CSMD1: variants seen among roughly 807,000 people sequenced by gnomAD.
CSMD1 encodes the protein CUB and Sushi multiple domains 1.
A neutral mutation model predicts 417.5 loss-of-function variants in CSMD1; 213 were observed. The ratio of observed to expected loss-of-function variants is 0.51; its 90% CI spans 0.46 to 0.57. The LOEUF (loss-of-function observed/expected upper bound fraction) is 0.57. Ranked by LOEUF, CSMD1 falls within the 20% of genes least tolerant of loss-of-function variation. The pLI, the probability that CSMD1 is intolerant of heterozygous loss-of-function variation, is 0.00. For synonymous variants in CSMD1, 2,862 were observed against 1,736.8 expected (o/e 1.65, Z -16.11); for missense variants, 6,923 against 4,529.7 (o/e 1.53, Z -15.17).
Position 4,477,293 on chromosome 8 carries a change from G to T in CSMD1, c.303-57228C>A, listed in dbSNP as rs547800028. Among the ~76,000 whole-genome samples, 12 of 152,256 alleles carry T rather than the reference G, an allele frequency of 7.9e-5. No individual in the cohort carries two copies. In the East Asian group the frequency reaches 2.1e-3, roughly 27 times the overall value. On this transcript the variant is annotated intron_variant, in intron 2 of 69. Coordinates refer to ENST00000635120, the MANE Select transcript of CSMD1 (RefSeq NM_033225.6). ...AGGTGTGGACGGTGGAGGCTGAGCT[G>T]GTCCTCACCGTGGGGAAGCCGAGGC...
chr8:3,748,695 C>G (rs1444985088), intron 6 of CSMD1, among the ~76,000 whole-genome samples: 1 of 152,156 alleles, frequency 6.6e-6, no homozygotes, highest in South Asian at 2.1e-4. Context: ...TACGTTTTAT[C>G]CAAATTAGAA....
chr8:3,943,678 A>G (rs538563570), intron 5 of CSMD1, among the ~76,000 whole-genome samples: 8 of 152,298 alleles, frequency 5.3e-5, no homozygotes, highest in African/African-American at 1.7e-4. Flanking sequence ...GTCCCCTGCT[A>G]TAATGAACTG....
chr8:4,928,503 G>C (rs569302195), intron 1 of CSMD1, among the ~76,000 whole-genome samples: 1 of 152,284 alleles, frequency 6.6e-6, no homozygotes, highest in East Asian at 1.9e-4. Context: ...GCCTGAGCAA[G>C]TTACTGGCCC....
At chr8:3,784,038 C>T (rs1229924844) in intron 5 of CSMD1, among the ~76,000 whole-genome samples, 2 of 152,204 alleles carry the variant, frequency 1.3e-5, no homozygotes, top group African/African-American at 4.8e-5. Context: ...ACATGCCTGA[C>T]AGCACTGTTG....
chr8:4,344,979 A>T (rs957705233), intron 3 of CSMD1, among the ~76,000 whole-genome samples: 9 of 151,120 alleles, frequency 6.0e-5, no homozygotes, highest in African/African-American at 2.2e-4. Flanking sequence ...CGGACTGAAG[A>T]AAACAAATGG....
intron 26 of CSMD1, among the ~76,000 whole-genome samples, chr8:3,241,324 A>G (rs886158577): frequency 4.0e-5 from 6 of 151,694 alleles, no homozygotes; most frequent in African/African-American, 1.4e-4. Context: ...TATGGAGGCA[A>G]GGGAAACAGG....
At chr8:3,211,710 C>T (rs12544683) in intron 30 of CSMD1, among the ~76,000 whole-genome samples, 17,659 of 152,188 alleles carry the variant, frequency 0.12, 1,315 homozygotes, top group Admixed American at 0.19. Context: ...CAGGGCGCAC[C>T]TTTCAGTGCT....
intron 11 of CSMD1, among the ~76,000 whole-genome samples, chr8:3,481,631 G>A (rs540052344): frequency 6.6e-5 from 10 of 152,318 alleles, no homozygotes; most frequent in Admixed American, 5.9e-4. Flanking sequence ...CCTGAATGAT[G>A]TAGGTGGGCC....
intron 1 of CSMD1, among the ~76,000 whole-genome samples, chr8:4,882,889 G>C (rs1418977299): frequency 6.6e-6 from 1 of 152,002 alleles, no homozygotes; most frequent in East Asian, 1.9e-4. Flanking sequence ...AGGAATGAGA[G>C]CAAGTCCTAG....
chr8:4,773,610 G>T (rs1796703148), intron 1 of CSMD1, among the ~76,000 whole-genome samples: 1 of 152,138 alleles, frequency 6.6e-6, no homozygotes, highest in Admixed American at 6.5e-5. Flanking sequence ...GGATTCCTCA[G>T]GAGTGTTTGT....
At chr8:3,012,619 T>G (rs921385450) in intron 52 of CSMD1, among the ~76,000 whole-genome samples, 1 of 152,208 alleles carries the variant, frequency 6.6e-6, no homozygotes, top group African/African-American at 2.4e-5. Flanking sequence ...GAAAACATAT[T>G]GGACCTAAGG....
chr8:4,427,724 T>C (rs1156337395), intron 2 of CSMD1, among the ~76,000 whole-genome samples: 1 of 152,152 alleles, frequency 6.6e-6, no homozygotes, highest in Non-Finnish European at 1.5e-5. Context: ...ATATCACTAA[T>C]TTGAAACTAT....
intron 25 of CSMD1, among the ~76,000 whole-genome samples, chr8:3,290,780 AT>A (rs1264261621): frequency 4.1e-5 from 6 of 147,950 alleles, no homozygotes; most frequent in Non-Finnish European, 8.8e-5. Flanking sequence ...AACAGGGACA[AT>A]TTGACTTCCT....
chr8:3,638,319 T>C (rs1016302669), intron 7 of CSMD1, among the ~76,000 whole-genome samples: 1 of 152,300 alleles, frequency 6.6e-6, no homozygotes, highest in East Asian at 1.9e-4. Flanking sequence ...CAGTCAGTTT[T>C]TCCAAATTGT....
intron 5 of CSMD1, among the ~76,000 whole-genome samples, chr8:3,869,834 T>C (rs1805360416): frequency 6.6e-6 from 1 of 152,138 alleles, no homozygotes; most frequent in South Asian, 2.1e-4. Flanking sequence ...CACTTAATAA[T>C]CACATTCCAT....
intron 3 of CSMD1, among the ~76,000 whole-genome samples, chr8:4,296,627 G>C (rs937770359): frequency 5.8e-5 from 6 of 103,616 alleles, no homozygotes; most frequent in African/African-American, 1.4e-4. Context: ...TTGTTATTTA[G>C]TTAATATTCA....
At chr8:4,241,437 T>C (rs1462452810) in intron 3 of CSMD1, among the ~76,000 whole-genome samples, 2 of 152,198 alleles carry the variant, frequency 1.3e-5, no homozygotes, top group East Asian at 1.9e-4. Flanking sequence ...AGCACTTTAT[T>C]ATCTCAGTCA....
At chr8:3,972,771 A>C (rs1325218804) in intron 5 of CSMD1, among the ~76,000 whole-genome samples, 1 of 152,236 alleles carries the variant, frequency 6.6e-6, no homozygotes, top group Non-Finnish European at 1.5e-5. Flanking sequence ...TATATATTCA[A>C]TGATCTAGCA....
intron 10 of CSMD1, among the ~76,000 whole-genome samples, chr8:3,540,164 C>G (rs940809923): frequency 6.6e-6 from 1 of 152,068 alleles, no homozygotes; most frequent in Non-Finnish European, 1.5e-5. Context: ...GAGTGTAACA[C>G]AGTGACAGTT....
Sources: allele counts gnomAD v4.1 joint callset (sites outside exome capture counted in the v4.1 genomes callset), GRCh38; gene constraint gnomAD v4.1.1; transcripts MANE v1.5; gene names NCBI Gene and HGNC (gene_info 2026-07-23, HGNC 2026-07-21).